Variants in UVSSA observed in about 807,000 individuals in gnomAD.
UVSSA encodes UV stimulated scaffold protein A.
UVSSA carries 72 observed loss-of-function variants against 73.9 expected under a neutral mutation model. That is an observed-to-expected ratio of 0.97 (90% CI 0.81 to 1.19). The LOEUF (loss-of-function observed/expected upper bound fraction) is 1.19, where lower values mean the gene tolerates loss of function less well. UVSSA is among the 50% of genes most tolerant of loss of function. UVSSA has a pLI of 0.00. For synonymous variants in UVSSA, 454 were observed against 391.3 expected, an observed-to-expected ratio of 1.16 and a Z score of -1.89; for missense variants, 1,150 against 965.0, an observed-to-expected ratio of 1.19 and a Z score of -2.54.
At chr4:1,368,505 C>T (rs1717622162) in intron 8 of UVSSA, among the ~76,000 whole-genome samples, 1 of 152,240 alleles carries the variant, frequency 6.6e-6, no homozygotes, top group African/African-American at 2.4e-5. Context: ...GCTCACTCGT[C>T]ACCAGGCCTG....
Position 1,380,068 on chromosome 4 carries a change from C to T in UVSSA, c.1590C>T (p.Phe530=). The change falls in exon 11 of 14, where the codon TTC becomes TTT. Residue 530 remains phenylalanine, a synonymous_variant. Transcript: ENST00000389851. Reference sequence around the variant, plus strand: ...GCAGGTCTGACTCCCAGCACCGCTTCTGGAAGCCCAGCGAGGTGGAGGAGG... The same window carrying T: ...GCAGGTCTGACTCCCAGCACCGCTTTTGGAAGCCCAGCGAGGTGGAGGAGG... The part of the protein sequence containing the change: ...KIVKSDSQHR[F]WKPSEVEEEV... 6.2e-7 allele frequency: 1 copy of T among 1,610,100 alleles called. No individual in the cohort carries two copies. The highest frequency in any genetic ancestry group is 8.5e-7 in the Non-Finnish European group (1 of 1,178,492).
chr4:1,371,387 G>A (rs1361466847), intron 8 of UVSSA, among the ~76,000 whole-genome samples: 1 of 152,032 alleles, frequency 6.6e-6, no homozygotes, highest in African/African-American at 2.4e-5. Flanking sequence ...ACACAGTCTG[G>A]GCGGTGCTGA....
chr4:1,345,087 C>A (rs1190131665), upstream of UVSSA, among the ~76,000 whole-genome samples: 1 of 152,124 alleles, frequency 6.6e-6, no homozygotes, highest in South Asian at 2.1e-4. Context: ...CGACCTTAGA[C>A]TTTCAAAGGT....
chr4:1,346,294 G>C (rs143259196), upstream of UVSSA, among the ~76,000 whole-genome samples: 2 of 152,128 alleles, frequency 1.3e-5, no homozygotes, highest in African/African-American at 4.8e-5. Context: ...GCCCGCCGCC[G>C]GCGGCCCCCG....
intron 12 of UVSSA, among the ~76,000 whole-genome samples, chr4:1,382,466 C>T (rs1383484928): frequency 6.6e-6 from 1 of 152,240 alleles, no homozygotes; most frequent in Admixed American, 6.5e-5. Context: ...GCTGCAGGGC[C>T]CGTCAGCGCC....
At chr4:1,371,810 G>C (rs1034516356) in intron 8 of UVSSA, among the ~76,000 whole-genome samples, 17 of 152,174 alleles carry the variant, frequency 1.1e-4, no homozygotes, top group Non-Finnish European at 1.0e-4. Context: ...GATTTGAGTG[G>C]GGACACAGAG....
At chr4:1,395,313 A>G (rs71614971) in exon 14 of UVSSA, 499,981 of 1,395,448 alleles carry the variant, frequency 0.36, 102,476 homozygotes, top group Non-Finnish European at 0.39. Context: ...GCCCATGTGG[A>G]GTGCCCGCCT....
At chr4:1,381,621 G>A (rs988337687) in intron 12 of UVSSA, among the ~76,000 whole-genome samples, 1 of 151,856 alleles carries the variant, frequency 6.6e-6, no homozygotes, top group South Asian at 2.1e-4. Context: ...GTTTTCCAAG[G>A]AAGATTTGTT....
At chr4:1,356,288 G>A (rs1322326055) in intron 7 of UVSSA, among the ~76,000 whole-genome samples, 1 of 152,084 alleles carries the variant, frequency 6.6e-6, no homozygotes, top group Non-Finnish European at 1.5e-5. Flanking sequence ...AAGTTGGGGG[G>A]TGGGGAAGCT....
At chr4:1,351,957 G>A (rs1714827103) in intron 4 of UVSSA, 122 bp downstream of exon 4, 3 of 1,464,624 alleles carry the variant, frequency 2.0e-6, no homozygotes. Context: ...CAGGCTAGGT[G>A]GAGAGGATTC....
chr4:1,349,761 G>C lies in UVSSA; in HGVS notation c.336G>C (p.Ala112=). 1 of 1,610,230 alleles carries C rather than the reference G, an allele frequency of 6.2e-7. No homozygotes were observed. The highest frequency in any genetic ancestry group is 8.5e-7 in the Non-Finnish European group (1 of 1,177,668). The stretch of plus-strand genomic sequence containing the variant: ...AGGCGGCACAGAGGCTGAGGCAGGC[G>C]ACCACCCGGGCCGTGGAAGGGTGGA... The part of the protein sequence containing the change: ...PREAAQRLRQ[A]TTRAVEGWNE... The change falls in exon 3 of 14, where the codon GCG becomes GCC. Residue 112 remains alanine, a synonymous_variant. Transcript: ENST00000389851.
chr4:1,357,712 C>CAGCTT, intron 7 of UVSSA, among the ~76,000 whole-genome samples: 1 of 152,234 alleles, frequency 6.6e-6, no homozygotes, highest in East Asian at 1.9e-4. Context: ...GTGTTCAGCT[C>CAGCTT]AGCCTGGCTC....
intron 13 of UVSSA, chr4:1,384,581 A>T (rs2109316816): frequency 6.6e-6 from 1 of 152,466 alleles, no homozygotes; most frequent in East Asian, 1.9e-4. Flanking sequence ...CTGTCTTCAT[A>T]TTGCCTTGTT....
Position 1,352,649 on chromosome 4 carries a change from C to T in UVSSA, c.551-381C>T, listed in dbSNP as rs371862624. Among the ~76,000 whole-genome samples the T allele has an allele frequency of 7.1e-4, 108 of 152,330 alleles. No homozygotes were observed. In the East Asian group the frequency reaches 0.01, roughly 14 times the overall value. ...CTGCTGAGCTGGGTGCTCTAGTAAG[C>T]GGTTAAAAAGTGCAGCACACGACTG... On this transcript the variant is annotated intron_variant, in intron 4 of 13. Coordinates refer to ENST00000389851, the MANE Select transcript of UVSSA (RefSeq NM_020894.4).
At position 1,381,755 on chromosome 4, in the gene UVSSA, A is replaced by G. The variant is rs1719530767; in HGVS notation, c.1861+767A>G. ...CAGGCTAGAGTGCAGTGGCGCAGTC[A>G]TGGCCTCCCAGGTTCGAGCGATCCT... On this transcript the variant is annotated intron_variant, in intron 12 of 13. Coordinates refer to ENST00000389851, the MANE Select transcript of UVSSA (RefSeq NM_020894.4). Among the ~76,000 whole-genome samples the G allele has an allele frequency of 4.1e-5, 6 of 146,430 alleles. No individual in the cohort carries two copies. In the South Asian group the frequency reaches 1.3e-3, roughly 31 times the overall value.
At chr4:1,368,807 C>T (rs564139143) in intron 8 of UVSSA, among the ~76,000 whole-genome samples, 33 of 152,374 alleles carry the variant, frequency 2.2e-4, no homozygotes, top group Admixed American at 3.9e-4. Flanking sequence ...GCTGTCCCTG[C>T]TGGGTCCGTC....
rs940996021 is a variant in UVSSA, at chr4:1,385,902, C to T, written c.2071C>T (p.Arg691Trp). ...AVRRVVAAMNRMDQKKHEKFS... is the reference protein window; with the variant it reads ...AVRRVVAAMNWMDQKKHEKFS... ...GCGGAGGGTAGTGGCAGCCATGAACCGGATGGACCAGAAGAAGCACGAGAA... is the reference window on the plus strand; with the variant it reads ...GCGGAGGGTAGTGGCAGCCATGAACTGGATGGACCAGAAGAAGCACGAGAA... Residue 691 changes from arginine to tryptophan, a missense_variant, in exon 14 of 14, where the codon CGG becomes TGG. By Grantham distance (101) the Arg-to-Trp change is moderately radical. Transcript: ENST00000389851. The T allele has an allele frequency of 7.4e-6, 12 of 1,613,910 alleles. No individual in the cohort carries two copies. The highest frequency in any genetic ancestry group is 3.3e-5 in the Admixed American group (2 of 60,012).
Position 1,385,988 on chromosome 4 carries a change from C to G in UVSSA, c.*27C>G. The G allele has an allele frequency of 1.2e-6, 2 of 1,611,056 alleles. No homozygotes were observed. Among genetic ancestry groups the G allele is most frequent in the Non-Finnish European group, 8.5e-7 (1 of 1,177,516 alleles). Reference sequence around the variant, plus strand: ...GAGCGGGGCCCAGTGCACTGGCCATCAGCACTTTCTCCCTCTGCCAGTGTC... The same window carrying G: ...GAGCGGGGCCCAGTGCACTGGCCATGAGCACTTTCTCCCTCTGCCAGTGTC... On this transcript the variant is annotated 3_prime_UTR_variant, in exon 14 of 14. Coordinates refer to ENST00000389851, the MANE Select transcript of UVSSA (RefSeq NM_020894.4).
rs1170334003 is a variant in UVSSA, at chr4:1,386,067, C to G, written c.*106C>G. On this transcript the variant is annotated 3_prime_UTR_variant, in exon 14 of 14. Transcript: ENST00000389851. ...GGCAGTAACCATGCTTTGTCTATTACTGTGTTTGATGTAAAGAAATGGTGT... is the reference window on the plus strand; with the variant it reads ...GGCAGTAACCATGCTTTGTCTATTAGTGTGTTTGATGTAAAGAAATGGTGT... 1 of 1,176,552 alleles carries G rather than the reference C, an allele frequency of 8.5e-7. No individual in the cohort carries two copies. The allele number at this position is 1,176,552 out of a possible 1,614,324, so 72.9% of individuals were successfully genotyped here. A position where few individuals can be genotyped will look rare whatever the true frequency, so the allele number is the denominator to read the frequency against.
Sources: allele counts gnomAD v4.1 joint callset (sites outside exome capture counted in the v4.1 genomes callset), GRCh38; gene constraint gnomAD v4.1.1; transcripts MANE v1.5; gene names NCBI Gene and HGNC (gene_info 2026-07-23, HGNC 2026-07-21).